PAX6: variants seen among roughly 807,000 people sequenced by gnomAD.
PAX6 encodes paired box protein Pax-6.
Under a neutral mutation model 60.7 loss-of-function variants are expected in PAX6, and 7 were observed. The ratio of observed to expected loss-of-function variants is 0.12; its 90% CI spans 0.07 to 0.22. The LOEUF (loss-of-function observed/expected upper bound fraction) is 0.22, where lower values mean the gene tolerates loss of function less well. PAX6 is among the 10% of genes least tolerant of loss of function. The pLI is 1.00. For missense variants in PAX6, 355 were observed against 555.2 expected (o/e 0.64, Z 3.62); for synonymous variants, 208 against 201.2 (o/e 1.03, Z -0.29).
intron 12 of PAX6, chr11:31,793,039 T>C: frequency 1.8e-6 from 1 of 571,206 alleles, no homozygotes. Context: ...ATTCTATATT[T>C]AGCATACAAA....
intron 7 of PAX6, 200 bp downstream of exon 7, chr11:31,801,361 C>A: frequency 6.8e-7 from 1 of 1,477,956 alleles, no homozygotes; most frequent in Non-Finnish European, 8.9e-7. Flanking sequence ...TGAATGACTC[C>A]CCACACTTGA....
At chr11:31,806,116 T>G in intron 4 of PAX6, 2 of 455,936 alleles carry the variant, frequency 4.4e-6, no homozygotes, top group Non-Finnish European at 3.8e-6. Flanking sequence ...GGGGTGTGAG[T>G]TACAGGATTT....
At position 31,792,742 on chromosome 11, in the gene PAX6, G is replaced by A. The variant is rs1308962393; in HGVS notation, c.1074+696C>T. The A allele has an allele frequency of 1.7e-5, 3 of 173,268 alleles. 1 individual carries two copies. In the South Asian group the frequency reaches 4.1e-4, roughly 24 times the overall value. 10.7% of individuals were successfully genotyped at this position (173,268 alleles called of 1,614,324 possible). A position where few individuals can be genotyped will look rare whatever the true frequency, so the allele number is the denominator to read the frequency against. ...AATGTAGGGGCTAATAGATATTTGG[G>A]ACAGAACTAAGAGGAGAGGCAGGCT... On this transcript the variant is annotated intron_variant, in intron 12 of 13. Coordinates refer to ENST00000640368, the MANE Select transcript of PAX6 (RefSeq NM_001368894.2).
chr11:31,806,280 C>G, intron 4 of PAX6, 122 bp downstream of exon 4: 1 of 1,188,772 alleles, frequency 8.4e-7, no homozygotes, highest in Non-Finnish European at 1.2e-6. Context: ...CGCCGCAGGT[C>G]CCCGGGCCTC....
At chr11:31,797,025 C>A (rs1475585868) in intron 8 of PAX6, among the ~76,000 whole-genome samples, 1 of 152,136 alleles carries the variant, frequency 6.6e-6, no homozygotes, top group Non-Finnish European at 1.5e-5. Flanking sequence ...CCACCCCTCG[C>A]TTTATTTTCG....
chr11:31,804,336 CT>C (rs1955065533), intron 4 of PAX6: 1 of 152,230 alleles, frequency 6.6e-6, no homozygotes, highest in Non-Finnish European at 1.5e-5. Context: ...TAAAACGACC[CT>C]TTCCGTCCTT....
rs1667063835 is a variant in PAX6, at chr11:31,811,289, C to T, written c.-491G>A. 5.0e-6 allele frequency: 2 copies of T among 398,664 alleles called. No homozygotes were observed. The highest frequency in any genetic ancestry group is 3.6e-5 in the East Asian group (1 of 28,090). The allele number at this position is 398,664 out of a possible 1,614,324, so 24.7% of individuals were successfully genotyped here. A position where few individuals can be genotyped will look rare whatever the true frequency, so the allele number is the denominator to read the frequency against. On this transcript the variant is annotated 5_prime_UTR_variant, in exon 1 of 14. Coordinates refer to ENST00000640368, the MANE Select transcript of PAX6 (RefSeq NM_001368894.2). The stretch of plus-strand genomic sequence containing the variant: ...GGGAAATGAGGCCGAGCCACGGTTC[C>T]CTTTTCAAACCCACTAATCACTCCG...
At chr11:31,796,896 G>C (rs926476101) in intron 8 of PAX6, among the ~76,000 whole-genome samples, 1 of 152,200 alleles carries the variant, frequency 6.6e-6, no homozygotes, top group Non-Finnish European at 1.5e-5. Context: ...GGGCTACTTA[G>C]CTGAGGGAGA....
At chr11:31,792,059 C>G (rs573643120) in intron 12 of PAX6, 1 of 152,332 alleles carries the variant, frequency 6.6e-6, no homozygotes, top group South Asian at 2.1e-4. Flanking sequence ...ACACATTTTG[C>G]TATCTTCACA....
intron 9 of PAX6, 192 bp downstream of exon 9, chr11:31,794,416 CACACCACACACACACACACACA>C (rs978089528): frequency 7.8e-6 from 4 of 511,660 alleles, no homozygotes; most frequent in Non-Finnish European, 1.3e-5. Context: ...CACACACACA[CACACCACACACACACACACACA>C]CACACACACA....
intron 1 of PAX6, chr11:31,816,618 G>A (rs1175654072): frequency 1.4e-6 from 1 of 702,414 alleles, no homozygotes; most frequent in Non-Finnish European, 2.6e-6. Flanking sequence ...AGGAACCCGC[G>A]GAGGAGAGGA....
chr11:31,795,543 T>G (rs981997822), intron 8 of PAX6, among the ~76,000 whole-genome samples: 2 of 152,270 alleles, frequency 1.3e-5, no homozygotes, highest in African/African-American at 2.4e-5. Context: ...TCTTTTAAAT[T>G]TTTAACGTGT....
At chr11:31,791,656 A>G (rs1411368975) in intron 12 of PAX6, 2 of 152,344 alleles carry the variant, frequency 1.3e-5, no homozygotes, top group Admixed American at 6.5e-5. Context: ...ATGATAGTAC[A>G]GTATACTATC....
At chr11:31,806,072 C>T (rs991349876) in intron 4 of PAX6, 13 of 411,642 alleles carry the variant, frequency 3.2e-5, no homozygotes, top group African/African-American at 2.5e-4. Context: ...CCCAGCCCCT[C>T]TCTCCGGGGT....
chr11:31,816,321 A>G (rs374869028), upstream of PAX6: 1 of 522,546 alleles, frequency 1.9e-6, no homozygotes, highest in South Asian at 2.8e-5. Flanking sequence ...GGTCTGAGGA[A>G]AAAAAGACAA....
At chr11:31,793,983 G>T (rs1443578461) in intron 10 of PAX6, 49 bp downstream of exon 10, 1 of 1,365,048 alleles carries the variant, frequency 7.3e-7, no homozygotes, top group South Asian at 1.2e-5. Flanking sequence ...CTCTAGGAAA[G>T]ACAAATGGTA....
At chr11:31,817,258 C>T (rs1056797833) in intron 1 of PAX6, among the ~76,000 whole-genome samples, 1 of 152,290 alleles carries the variant, frequency 6.6e-6, no homozygotes, top group South Asian at 2.1e-4. Flanking sequence ...TTCTTTCGTA[C>T]TCCGCGTCTT....
At chr11:31,797,833 G>A (rs927434943) in intron 8 of PAX6, among the ~76,000 whole-genome samples, 1 of 152,084 alleles carries the variant, frequency 6.6e-6, no homozygotes. Flanking sequence ...TTCAAAAGGC[G>A]CCCCCTCGGA....
At chr11:31,808,982 A>G (rs1956471628) in intron 2 of PAX6, among the ~76,000 whole-genome samples, 1 of 152,172 alleles carries the variant, frequency 6.6e-6, no homozygotes, top group Admixed American at 6.5e-5. Context: ...GAGTCGCCCC[A>G]GCCTTGGACC....
Sources: gnomAD v4.1 joint callset for allele counts (sites outside exome capture counted in the v4.1 genomes callset) on GRCh38, gnomAD v4.1.1 for gene constraint, MANE v1.5 for transcripts, NCBI Gene and HGNC (gene_info 2026-07-23, HGNC 2026-07-21) for gene names.